HS6ST3: variants seen among roughly 807,000 people sequenced by gnomAD.
HS6ST3 encodes heparan-sulfate 6-O-sulfotransferase 3.
Under a neutral mutation model 36.7 loss-of-function variants are expected in HS6ST3, and 12 were observed. The ratio of observed to expected loss-of-function variants is 0.33; its 90% CI spans 0.21 to 0.53. The LOEUF (loss-of-function observed/expected upper bound fraction) is 0.53. HS6ST3 is among the 20% of genes least tolerant of loss of function. The pLI is 0.95. For synonymous variants in HS6ST3, 240 were observed against 257.5 expected (o/e 0.93, Z 0.65); for missense variants, 584 against 640.9 (o/e 0.91, Z 0.96).
intron 1 of HS6ST3, among the ~76,000 whole-genome samples, chr13:96,297,656 A>G (rs955978660): frequency 4.6e-5 from 7 of 152,056 alleles, no homozygotes; most frequent in African/African-American, 1.7e-4. Flanking sequence ...TTTTCTAAGT[A>G]TAGTTCTCCT....
At chr13:96,139,592 A>G (rs920520818) in intron 1 of HS6ST3, among the ~76,000 whole-genome samples, 16 of 149,042 alleles carry the variant, frequency 1.1e-4, no homozygotes, top group African/African-American at 3.9e-4. Context: ...AATTTGGTAT[A>G]TATATAAGGA....
chr13:96,454,786 C>G (rs373077458), intron 1 of HS6ST3, among the ~76,000 whole-genome samples: 10 of 151,476 alleles, frequency 6.6e-5, no homozygotes, highest in African/African-American at 2.4e-4. Context: ...CATTTTAAGA[C>G]TTTGAGTCTA....
intron 1 of HS6ST3, among the ~76,000 whole-genome samples, chr13:96,448,880 A>G (rs564540325): frequency 6.6e-6 from 1 of 152,242 alleles, no homozygotes; most frequent in East Asian, 1.9e-4. Context: ...GCAGCCACAG[A>G]ATGAGCATAT....
chr13:96,422,516 G>A (rs1241573343), intron 1 of HS6ST3, among the ~76,000 whole-genome samples: 3 of 152,236 alleles, frequency 2.0e-5, no homozygotes, highest in Non-Finnish European at 4.4e-5. Context: ...TAAGAATGAT[G>A]TCTGGAAGAA....
At chr13:96,613,447 G>C (rs1271626784) in intron 1 of HS6ST3, among the ~76,000 whole-genome samples, 1 of 152,156 alleles carries the variant, frequency 6.6e-6, no homozygotes, top group African/African-American at 2.4e-5. Flanking sequence ...TGAGAACAGG[G>C]ACTCAGTTTC....
At chr13:96,786,319 G>GT (rs66851941) in intron 1 of HS6ST3, among the ~76,000 whole-genome samples, 56,166 of 151,856 alleles carry the variant, frequency 0.37, 11,738 homozygotes, top group African/African-American at 0.59. Context: ...TCCCTGTTCA[G>GT]TTCTTGGTAG....
intron 1 of HS6ST3, among the ~76,000 whole-genome samples, chr13:96,533,792 A>C (rs545706163): frequency 6.6e-6 from 1 of 152,336 alleles, no homozygotes; most frequent in South Asian, 2.1e-4. Flanking sequence ...CTTTGCAGGC[A>C]TTCACACCTC....
intron 1 of HS6ST3, among the ~76,000 whole-genome samples, chr13:96,360,646 CAAAAAAA>C (rs5805964): frequency 7.4e-6 from 1 of 134,412 alleles, no homozygotes; most frequent in Non-Finnish European, 1.6e-5. Flanking sequence ...TTTGTATTAT[CAAAAAAA>C]AAAAAAAAAA....
chr13:96,309,515 A>G (rs993124409), intron 1 of HS6ST3, among the ~76,000 whole-genome samples: 1 of 152,168 alleles, frequency 6.6e-6, no homozygotes, highest in Non-Finnish European at 1.5e-5. Flanking sequence ...ATCAAGTTCT[A>G]TAGTCTGCTG....
intron 1 of HS6ST3, among the ~76,000 whole-genome samples, chr13:96,618,766 C>A (rs958722327): frequency 1.3e-5 from 2 of 152,112 alleles, no homozygotes; most frequent in Non-Finnish European, 2.9e-5. Context: ...TACATTCAAG[C>A]CTTGAACTGT....
intron 1 of HS6ST3, among the ~76,000 whole-genome samples, chr13:96,704,542 A>G (rs1397148639): frequency 6.6e-6 from 1 of 152,190 alleles, no homozygotes; most frequent in Non-Finnish European, 1.5e-5. Flanking sequence ...CAGTATGTCT[A>G]AAAATTCAAT....
At chr13:96,623,302 C>G (rs1308454479) in intron 1 of HS6ST3, among the ~76,000 whole-genome samples, 1 of 152,136 alleles carries the variant, frequency 6.6e-6, no homozygotes, top group Non-Finnish European at 1.5e-5. Context: ...TACCCAGACT[C>G]TAGTATATCT....
chr13:96,376,826 A>G (rs1265861914), intron 1 of HS6ST3, among the ~76,000 whole-genome samples: 2 of 151,986 alleles, frequency 1.3e-5, no homozygotes, highest in East Asian at 3.9e-4. Context: ...TTGTCTTTTA[A>G]AAGTTAAGGG....
At chr13:96,613,275 A>G (rs1466705958) in intron 1 of HS6ST3, among the ~76,000 whole-genome samples, 4 of 152,242 alleles carry the variant, frequency 2.6e-5, no homozygotes, top group Non-Finnish European at 5.9e-5. Flanking sequence ...TTTAATATGC[A>G]TAACCACCTA....
chr13:96,731,345 C>A (rs901511316), intron 1 of HS6ST3, among the ~76,000 whole-genome samples: 1 of 152,148 alleles, frequency 6.6e-6, no homozygotes, highest in Non-Finnish European at 1.5e-5. Context: ...ATTTGTCTTT[C>A]TGTGCCTGGT....
At chr13:96,109,331 G>T (rs1294676308) in intron 1 of HS6ST3, among the ~76,000 whole-genome samples, 1 of 152,176 alleles carries the variant, frequency 6.6e-6, no homozygotes, top group East Asian at 1.9e-4. Context: ...TGTGTGAGTG[G>T]ATAGGTCTCT....
chr13:96,436,987 T>C (rs1237117693), intron 1 of HS6ST3, among the ~76,000 whole-genome samples: 2 of 152,186 alleles, frequency 1.3e-5, no homozygotes, highest in Non-Finnish European at 2.9e-5. Context: ...CTATTGTTCT[T>C]TTAACCCTTC....
At chr13:96,761,496 A>G (rs1876970078) in intron 1 of HS6ST3, among the ~76,000 whole-genome samples, 1 of 151,852 alleles carries the variant, frequency 6.6e-6, no homozygotes. Context: ...CTAGGCATCT[A>G]CCACCCAGAA....
At chr13:96,485,853 G>T (rs1166234872) in intron 1 of HS6ST3, among the ~76,000 whole-genome samples, 1 of 151,970 alleles carries the variant, frequency 6.6e-6, no homozygotes, top group Non-Finnish European at 1.5e-5. Flanking sequence ...ATTCTTTTTA[G>T]AAATATATCA....
Sources: allele counts gnomAD v4.1 joint callset (sites outside exome capture counted in the v4.1 genomes callset), GRCh38; gene constraint gnomAD v4.1.1; transcripts MANE v1.5; gene names NCBI Gene and HGNC (gene_info 2026-07-23, HGNC 2026-07-21).